The following CAMTA1 variants were observed in gnomAD, a reference collection of about 807,000 sequenced individuals.
CAMTA1 encodes the protein calmodulin binding transcription activator 1.
CAMTA1 carries 27 observed loss-of-function variants against 170.9 expected under a neutral mutation model. That is an observed-to-expected ratio of 0.16 (90% confidence interval 0.12 to 0.22). CAMTA1 has a LOEUF of 0.22. CAMTA1 is among the 10% of genes least tolerant of loss of function. The pLI is 1.00. For synonymous variants in CAMTA1, 833 were observed against 891.5 expected, an observed-to-expected ratio of 0.93 and a Z score of 1.17; for missense variants, 1,619 against 2,217.2, an observed-to-expected ratio of 0.73 and a Z score of 5.42.
intron 6 of CAMTA1, among the ~76,000 whole-genome samples, chr1:7,578,554 G>A (rs569565909): frequency 3.3e-5 from 5 of 152,240 alleles, no homozygotes; most frequent in Non-Finnish European, 7.3e-5. Context: ...GCATCCAAGC[G>A]GCTCCCATAT....
rs2094964841 is a variant in CAMTA1, at chr1:7,562,123, C to A, written c.511-78277C>A. Among the ~76,000 whole-genome samples the A allele has an allele frequency of 6.6e-6, 1 of 152,212 alleles. No homozygotes were observed. The highest frequency in any genetic ancestry group is 6.5e-5 in the Admixed American group (1 of 15,290). ...CCAGGCCAGGCGTGCCTATCTCCTG[C>A]CAGCCTCACTACCCGCACCAGGATT... On this transcript the variant is annotated intron_variant, in intron 6 of 22. Coordinates refer to ENST00000303635, the MANE Select transcript of CAMTA1 (RefSeq NM_015215.4). This position sits in a 1 kb window ranked among gnomAD's most constrained non-coding sequence, Gnocchi z 4.8.
chr1:7,425,797 A>T (rs776675332), intron 5 of CAMTA1, among the ~76,000 whole-genome samples: 2 of 151,736 alleles, frequency 1.3e-5, no homozygotes, highest in Non-Finnish European at 2.9e-5. Context: ...CGCTTCCTAG[A>T]CGAGGGGACT....
intron 3 of CAMTA1, among the ~76,000 whole-genome samples, chr1:6,993,129 G>A (rs1696656649): frequency 6.6e-6 from 1 of 152,096 alleles, no homozygotes; most frequent in African/African-American, 2.4e-5. Flanking sequence ...GATTATTGGA[G>A]CTTTATAATA....
At chr1:7,654,971 TAC>T (rs761477769) in intron 7 of CAMTA1, among the ~76,000 whole-genome samples, 170 of 128,462 alleles carry the variant, frequency 1.3e-3, no homozygotes, top group Middle Eastern at 5.6e-3. Flanking sequence ...CACCCACCTA[TAC>T]ACACACACCT....
At chr1:7,097,601 G>A (rs1642228368) in intron 4 of CAMTA1, among the ~76,000 whole-genome samples, 1 of 152,350 alleles carries the variant, frequency 6.6e-6, no homozygotes, top group East Asian at 1.9e-4. Flanking sequence ...TTCTAAGGAA[G>A]CCCCTATTCC....
chr1:7,232,722 T>C (rs1034533469), intron 4 of CAMTA1, among the ~76,000 whole-genome samples: 3 of 152,068 alleles, frequency 2.0e-5, no homozygotes, highest in African/African-American at 7.2e-5. Flanking sequence ...TGGCAGCTAC[T>C]CTCCGCCCAT....
intron 3 of CAMTA1, among the ~76,000 whole-genome samples, chr1:6,889,444 T>G (rs1411720995): frequency 6.6e-6 from 1 of 152,222 alleles, no homozygotes; most frequent in African/African-American, 2.4e-5. Context: ...TCGAACTAAC[T>G]TTTTACTGAA....
At chr1:7,198,492 A>C (rs571830878) in intron 4 of CAMTA1, among the ~76,000 whole-genome samples, 1 of 151,918 alleles carries the variant, frequency 6.6e-6, no homozygotes, top group African/African-American at 2.4e-5. Context: ...AGGTGTCAGG[A>C]ATGTGTCCCT....
chr1:7,085,994 C>T (rs1022366362), intron 3 of CAMTA1, among the ~76,000 whole-genome samples: 2 of 152,164 alleles, frequency 1.3e-5, no homozygotes, highest in African/African-American at 4.8e-5. Flanking sequence ...GAAGGGCCCA[C>T]CTGCCTCCCT....
chr1:7,202,928 A>G (rs1656978470), intron 4 of CAMTA1, among the ~76,000 whole-genome samples: 1 of 152,198 alleles, frequency 6.6e-6, no homozygotes, highest in Non-Finnish European at 1.5e-5. Flanking sequence ...ATAGGAGTAA[A>G]AGTAGACATT....
In CAMTA1 at chr1:7,426,835, T is replaced by G. The variant is rs537350531; in HGVS notation, c.439-40995T>G. Among the ~76,000 whole-genome samples the G allele has an allele frequency of 6.6e-6, 1 of 152,182 alleles. No individual in the cohort carries two copies. The highest frequency in any genetic ancestry group is 1.9e-4 in the East Asian group (1 of 5,174). ...CTTTCGTAGAATTGCAAAATTAGAGTTAAAAAGACCTGAACGGCTGTCCTC... is the reference window on the plus strand; with the variant it reads ...CTTTCGTAGAATTGCAAAATTAGAGGTAAAAAGACCTGAACGGCTGTCCTC... On this transcript the variant is annotated intron_variant, in intron 5 of 22. Transcript: ENST00000303635. This position sits in a 1 kb window ranked among gnomAD's most constrained non-coding sequence, Gnocchi z 4.8.
chr1:7,529,707 C>G (rs1404743867), intron 6 of CAMTA1, among the ~76,000 whole-genome samples: 1 of 152,180 alleles, frequency 6.6e-6, no homozygotes, highest in Non-Finnish European at 1.5e-5. Context: ...AGCTCTTGAC[C>G]TCAGACAAGG....
chr1:7,520,241 C>CTCCTCTT (rs2094346186), intron 6 of CAMTA1, among the ~76,000 whole-genome samples: 1 of 15,038 alleles, frequency 6.6e-5, no homozygotes, highest in Admixed American at 1.1e-3. Flanking sequence ...TCCTCCTCTC[C>CTCCTCTT]CCTCCTCTTC....
At chr1:7,283,365 C>G (rs891453745) in intron 5 of CAMTA1, among the ~76,000 whole-genome samples, 2 of 152,194 alleles carry the variant, frequency 1.3e-5, no homozygotes, top group Admixed American at 1.3e-4. Flanking sequence ...TTGGGCAAAA[C>G]TGTCTTCCTT....
intron 4 of CAMTA1, among the ~76,000 whole-genome samples, chr1:7,164,877 C>T: frequency 6.6e-6 from 1 of 152,186 alleles, no homozygotes; most frequent in South Asian, 2.1e-4. Context: ...TCTTTGTTTC[C>T]TATTTCAATG....
At chr1:7,355,483 T>C (rs1279621237) in intron 5 of CAMTA1, among the ~76,000 whole-genome samples, 1 of 152,178 alleles carries the variant, frequency 6.6e-6, no homozygotes, top group Non-Finnish European at 1.5e-5. Flanking sequence ...AATTTCTGTC[T>C]TTCCCTCTCT....
intron 3 of CAMTA1, among the ~76,000 whole-genome samples, chr1:6,999,247 C>T (rs1572337169): frequency 6.6e-6 from 1 of 152,170 alleles, no homozygotes; most frequent in South Asian, 2.1e-4. Flanking sequence ...CTTTGTGTTA[C>T]GTTGTTCTTG....
intron 3 of CAMTA1, among the ~76,000 whole-genome samples, chr1:7,054,888 C>T (rs114975886): frequency 0.015 from 2,331 of 152,224 alleles, 62 homozygotes; most frequent in African/African-American, 0.053. Flanking sequence ...AGCATAGTGC[C>T]GGCATCTGCT....
At chr1:7,494,365 A>G (rs2149726458) in intron 6 of CAMTA1, among the ~76,000 whole-genome samples, 1 of 152,330 alleles carries the variant, frequency 6.6e-6, no homozygotes, top group Non-Finnish European at 1.5e-5. Context: ...CAGCACCTGG[A>G]AATATGAATA....
Sources: gnomAD v4.1 joint callset for allele counts (sites outside exome capture counted in the v4.1 genomes callset) on GRCh38, gnomAD v4.1.1 for gene constraint, Gnocchi (gnomAD v3.1) non-coding constraint, MANE v1.5 for transcripts, NCBI Gene and HGNC (gene_info 2026-07-23, HGNC 2026-07-21) for gene names.